WDR7: variants seen among roughly 807,000 people sequenced by gnomAD.
WDR7 encodes WD repeat-containing protein 7.
In WDR7, 46 loss-of-function variants were observed where a neutral mutation model predicts 169.4. The ratio of observed to expected loss-of-function variants is 0.27; its 90% confidence interval spans 0.21 to 0.35. WDR7 has a LOEUF of 0.35. Among genes scored for constraint, WDR7 ranks in the 10% least tolerant of loss-of-function variants. WDR7 has a pLI of 1.00. For missense variants in WDR7, 1,534 were observed against 1,859.3 expected, an observed-to-expected ratio of 0.83 and a Z score of 3.22; for synonymous variants, 612 against 666.8, an observed-to-expected ratio of 0.92 and a Z score of 1.27.
At chr18:56,873,153 T>G (rs74739693) in intron 20 of WDR7, among the ~76,000 whole-genome samples, 572 of 152,344 alleles carry the variant, frequency 3.8e-3, no homozygotes, top group Middle Eastern at 6.8e-3. Flanking sequence ...AATGAAGGGC[T>G]ATCATCTTTT....
intron 26 of WDR7, among the ~76,000 whole-genome samples, chr18:56,994,279 C>T (rs2047863316): frequency 6.6e-6 from 1 of 152,168 alleles, no homozygotes; most frequent in Non-Finnish European, 1.5e-5. Flanking sequence ...CTGCCTCAGC[C>T]TCCCAAAGTG....
intron 14 of WDR7, among the ~76,000 whole-genome samples, chr18:56,737,628 T>C (rs183048953): frequency 3.0e-4 from 46 of 152,324 alleles, no homozygotes; most frequent in African/African-American, 1.1e-3. Flanking sequence ...TTGTATTCTG[T>C]GTAACGAGGC....
chr18:56,998,756 A>G (rs1413417973), intron 26 of WDR7, among the ~76,000 whole-genome samples: 2 of 152,204 alleles, frequency 1.3e-5, no homozygotes, highest in Non-Finnish European at 2.9e-5. Context: ...TTCTTACCCA[A>G]GGAATAGTCT....
At chr18:56,891,543 A>C (rs982133919) in intron 21 of WDR7, among the ~76,000 whole-genome samples, 2 of 100,146 alleles carry the variant, frequency 2.0e-5, no homozygotes, top group African/African-American at 6.8e-5. Context: ...TAGCTCTTTA[A>C]AATCTGTATA....
At chr18:57,020,924 C>G (rs1029445956) in intron 27 of WDR7, 75 bp downstream of exon 27, 9 of 1,368,796 alleles carry the variant, frequency 6.6e-6, no homozygotes, top group Non-Finnish European at 8.2e-6. Flanking sequence ...TCCTGTTGAG[C>G]CTACCTGCCG....
intron 2 of WDR7, among the ~76,000 whole-genome samples, chr18:56,676,705 T>G (rs2025251365): frequency 6.6e-6 from 1 of 152,186 alleles, no homozygotes; most frequent in Middle Eastern, 3.4e-3. Context: ...AACTTTTTTT[T>G]TTGTTTTTTT....
intron 14 of WDR7, among the ~76,000 whole-genome samples, chr18:56,734,431 C>T (rs1478444788): frequency 1.3e-5 from 2 of 151,820 alleles, no homozygotes; most frequent in Non-Finnish European, 2.9e-5. Flanking sequence ...GTAGTAGCCT[C>T]CTCTTTCCAG....
In WDR7 at chr18:56,931,063, G is replaced by A. The variant is rs545107413; in HGVS notation, c.3714-4725G>A. Among the ~76,000 whole-genome samples, 13 of 152,174 alleles carry A rather than the reference G, an allele frequency of 8.5e-5. No individual in the cohort carries two copies. In the South Asian group the frequency reaches 2.7e-3, roughly 32 times the overall value. On this transcript the variant is annotated intron_variant, in intron 22 of 27. Transcript: ENST00000254442. Reference sequence around the variant, plus strand: ...TTTATTTAAAATACCTGTCATCTCTGATATTTCATATTGGGTGTGTACACT... The same window carrying A: ...TTTATTTAAAATACCTGTCATCTCTAATATTTCATATTGGGTGTGTACACT...
intron 14 of WDR7, among the ~76,000 whole-genome samples, chr18:56,756,256 A>G (rs2043885971): frequency 6.6e-6 from 1 of 152,276 alleles, no homozygotes; most frequent in East Asian, 1.9e-4. Context: ...CAGAGACAGG[A>G]TTTGCTCATA....
At position 56,756,746 on chromosome 18, in the gene WDR7, A is replaced by G. The variant is rs781620926; in HGVS notation, c.2153A>G (p.Glu718Gly). 4 of 1,614,170 alleles carry G rather than the reference A, an allele frequency of 2.5e-6. No homozygotes were observed. The change falls in exon 15 of 28, where the codon GAG becomes GGG. Residue 718 changes from glutamate to glycine, a missense_variant. Transcript: ENST00000254442. ...CCGAATACTGCTCTTATTTCCCCAG[A>G]GAATTTGCAAAAAGCATCTGGCAGT... ...SRPNTALISPENLQKASGSSD... is the reference protein window; with the variant it reads ...SRPNTALISPGNLQKASGSSD...
intron 23 of WDR7, among the ~76,000 whole-genome samples, chr18:56,937,519 A>G (rs2046976645): frequency 6.6e-6 from 1 of 152,142 alleles, no homozygotes; most frequent in Non-Finnish European, 1.5e-5. Context: ...TATGCCTACT[A>G]CCTTATGGCT....
At chr18:56,969,037 C>G (rs2047448797) in intron 26 of WDR7, among the ~76,000 whole-genome samples, 1 of 152,176 alleles carries the variant, frequency 6.6e-6, no homozygotes, top group African/African-American at 2.4e-5. Flanking sequence ...AATCAGGTCT[C>G]CAGCCAGGGC....
chr18:56,745,730 G>C (rs1460211412), intron 14 of WDR7, among the ~76,000 whole-genome samples: 2 of 152,122 alleles, frequency 1.3e-5, no homozygotes, highest in African/African-American at 4.8e-5. Flanking sequence ...TTAGTCACAT[G>C]CTAATTTAAG....
intron 23 of WDR7, 86 bp from the exon 24 acceptor site, chr18:56,938,447 T>G: frequency 2.0e-6 from 3 of 1,505,582 alleles, no homozygotes; most frequent in Non-Finnish European, 2.7e-6. Flanking sequence ...TTTTCTATAG[T>G]ATTAGAAAGT....
chr18:56,764,982 G>A (rs552177565), intron 16 of WDR7, among the ~76,000 whole-genome samples: 3 of 152,048 alleles, frequency 2.0e-5, no homozygotes, highest in South Asian at 2.1e-4. Context: ...TTTGACCCTC[G>A]TCATTATGAA....
intron 21 of WDR7, among the ~76,000 whole-genome samples, chr18:56,895,040 T>C (rs1419762183): frequency 6.6e-6 from 1 of 151,984 alleles, no homozygotes; most frequent in Non-Finnish European, 1.5e-5. Context: ...AATATTAAGC[T>C]GAAACTAAAA....
chr18:56,838,454 G>A (rs1454012677), intron 20 of WDR7, among the ~76,000 whole-genome samples: 1 of 152,172 alleles, frequency 6.6e-6, no homozygotes, highest in South Asian at 2.1e-4. Flanking sequence ...TGCTGATAGA[G>A]TATGGACACA....
intron 2 of WDR7, among the ~76,000 whole-genome samples, chr18:56,675,867 G>A (rs1206630271): frequency 2.6e-5 from 4 of 151,808 alleles, no homozygotes; most frequent in Non-Finnish European, 5.9e-5. Flanking sequence ...TCACTCTGTT[G>A]CCCAGGCTGG....
chr18:56,779,554 T>C lies in WDR7; in HGVS notation c.3066+5T>C. ...TGGCAAGATCGATGCTTGGAGGTAA[T>C]GCTAAAGTGATAAGGATAGAAAACA... On this transcript the variant is annotated splice_donor_5th_base_variant and intron_variant, in intron 18 of 27. Transcript: ENST00000254442. 6.2e-7 allele frequency: 1 copy of C among 1,608,458 alleles called. No individual in the cohort carries two copies. Among genetic ancestry groups the C allele is most frequent in the Non-Finnish European group, 8.5e-7 (1 of 1,177,164 alleles).
Sources: allele counts gnomAD v4.1 joint callset (sites outside exome capture counted in the v4.1 genomes callset), GRCh38; gene constraint gnomAD v4.1.1; transcripts MANE v1.5; gene names NCBI Gene and HGNC (gene_info 2026-07-23, HGNC 2026-07-21).